ABCA8: variants seen among roughly 807,000 people sequenced by gnomAD.
ABCA8 encodes the protein ABC-type organic anion transporter ABCA8.
In ABCA8, 177 loss-of-function variants were observed where a neutral mutation model predicts 192.3. The ratio of observed to expected loss-of-function variants is 0.92; its 90% CI spans 0.81 to 1.04. The LOEUF is 1.04. ABCA8 is among the 50% of genes least tolerant of loss of function. ABCA8 has a pLI of 0.00. For missense variants in ABCA8, 1,915 were observed against 1,904.8 expected, an observed-to-expected ratio of 1.01 and a Z score of -0.10; for synonymous variants, 642 against 690.2, an observed-to-expected ratio of 0.93 and a Z score of 1.09.
intron 37 of ABCA8, among the ~76,000 whole-genome samples, chr17:68,873,517 A>G (rs2066119532): frequency 6.6e-6 from 1 of 151,972 alleles, no homozygotes. Flanking sequence ...CACTTTGTCA[A>G]TTGTTTCTTT....
chr17:68,882,066 C>G, intron 30 of ABCA8, 86 bp from the exon 31 acceptor site: 2 of 1,120,070 alleles, frequency 1.8e-6, no homozygotes, highest in Non-Finnish European at 2.7e-6. Context: ...TTGGCTGGAC[C>G]CTTTGTTGCC....
intron 12 of ABCA8, 37 bp downstream of exon 12, chr17:68,922,194 CTTTTTTTTTTT>C (rs201226205): frequency 1.2e-4 from 61 of 527,412 alleles, no homozygotes; most frequent in East Asian, 6.5e-4. Flanking sequence ...TTCTCTCTCT[CTTTTTTTTTTT>C]TTTTTTTTTT....
chr17:68,884,001 C>G (rs1029024349), intron 28 of ABCA8, 119 bp from the exon 29 acceptor site: 16 of 686,076 alleles, frequency 2.3e-5, no homozygotes, highest in Admixed American at 6.9e-5. Context: ...ATTACAAACT[C>G]CTAATAACCT....
intron 11 of ABCA8, 105 bp from the exon 12 acceptor site, chr17:68,922,405 T>C (rs2067569525): frequency 1.3e-5 from 10 of 788,732 alleles, no homozygotes; most frequent in Non-Finnish European, 1.9e-5. Flanking sequence ...TACATGAAGA[T>C]CTGGGTCTTC....
intron 18 of ABCA8, among the ~76,000 whole-genome samples, chr17:68,906,798 T>C (rs553094956): frequency 1.3e-5 from 2 of 152,272 alleles, no homozygotes; most frequent in East Asian, 3.9e-4. Context: ...ATTCATTCTT[T>C]AGTTCGTTCA....
chr17:68,897,053 TG>T (rs967332193), intron 21 of ABCA8, among the ~76,000 whole-genome samples: 17 of 152,356 alleles, frequency 1.1e-4, no homozygotes, highest in African/African-American at 3.6e-4. Flanking sequence ...AGGCATCTGC[TG>T]GGGATCTTGT....
Position 68,875,340 on chromosome 17 carries a change from CATCTCCAGCAGGTA to C in ABCA8, c.4537_4550del (p.Tyr1513GlufsTer35). 1 of 1,614,146 alleles carries C rather than the reference CATCTCCAGCAGGTA, an allele frequency of 6.2e-7. No individual in the cohort carries two copies. The highest frequency in any genetic ancestry group is 8.5e-7 in the Non-Finnish European group (1 of 1,180,040). The stretch of plus-strand genomic sequence containing the variant: ...CCACTTGTGCCAGGTTCTTCACCTT[CATCTCCAGCAGGTA>C]ATCTTTGCCAAATTTGCTTTTCAGG... On this transcript the variant is annotated frameshift_variant, in exon 37 of 40. Transcript: ENST00000586539. LOFTEE classifies it high-confidence loss of function.
At chr17:68,884,210 T>A in intron 28 of ABCA8, 121 bp downstream of exon 28, 1 of 965,450 alleles carries the variant, frequency 1.0e-6, no homozygotes, top group Non-Finnish European at 1.5e-6. Flanking sequence ...GCATTATATC[T>A]CCTTGGGCTA....
chr17:68,899,612 A>G (rs191430130), intron 21 of ABCA8, among the ~76,000 whole-genome samples: 1 of 152,272 alleles, frequency 6.6e-6, no homozygotes, highest in Non-Finnish European at 1.5e-5. Flanking sequence ...TAGCACTGAA[A>G]AGTGAAATAT....
Position 68,894,252 on chromosome 17 carries a change from A to G in ABCA8, c.2957T>C (p.Met986Thr), listed in dbSNP as rs541218848. The change falls in exon 23 of 40, where the codon ATG (methionine) becomes ACG (threonine). Residue 986 changes from methionine to threonine, a missense_variant. By Grantham distance (81) the Met-to-Thr change is moderately conservative. Coordinates refer to ENST00000586539, the MANE Select transcript of ABCA8 (RefSeq NM_001288985.2). ...AAGTAGCCCATTACTAACAATGTCC[A>G]TAAGAACTGGGAAGCAATTCAATCT... is the stretch of plus-strand genomic sequence containing the variant. ...AKRLNCFPVL[M>T]DIVSNGLLGM... 30 of 1,612,890 alleles carry G rather than the reference A, an allele frequency of 1.9e-5. No individual in the cohort carries two copies. The highest frequency in any genetic ancestry group is 2.5e-5 in the Non-Finnish European group (29 of 1,179,654).
In ABCA8 at chr17:68,893,345, A is replaced by C. The variant is rs16973413; in HGVS notation, c.3036+828T>G. Among the ~76,000 whole-genome samples the C allele has an allele frequency of 6.3e-3, 957 of 152,324 alleles. 39 individuals are homozygous for C. Among genetic ancestry groups the C allele is most frequent in the Admixed American group, 0.052 (792 of 15,296 alleles). Reference sequence around the variant, plus strand: ...GTTCTAAACTTAAAGGGCTATATACATTCCGATCACTTGGACCTTTGTTTA... The same window carrying C: ...GTTCTAAACTTAAAGGGCTATATACCTTCCGATCACTTGGACCTTTGTTTA... On this transcript the variant is annotated intron_variant, in intron 23 of 39. Coordinates refer to ENST00000586539, the MANE Select transcript of ABCA8 (RefSeq NM_001288985.2).
chr17:68,929,715 C>G lies in ABCA8; in HGVS notation c.798-13G>C, dbSNP rs1450724592. On this transcript the variant is annotated splice_polypyrimidine_tract_variant and intron_variant, in intron 7 of 39. Coordinates refer to ENST00000586539, the MANE Select transcript of ABCA8 (RefSeq NM_001288985.2). ...ACCCCAGGAGAGCCTAATGTGGAAACAAAATGTTATTTTAGTATTTTATGT... is the reference window on the plus strand; with the variant it reads ...ACCCCAGGAGAGCCTAATGTGGAAAGAAAATGTTATTTTAGTATTTTATGT... 6.3e-7 allele frequency: 1 copy of G among 1,585,202 alleles called. No individual in the cohort carries two copies. Among genetic ancestry groups the G allele is most frequent in the African/African-American group, 1.4e-5 (1 of 73,144 alleles).
chr17:68,954,393 A>G (rs1001374802), intron 1 of ABCA8, among the ~76,000 whole-genome samples: 1 of 152,062 alleles, frequency 6.6e-6, no homozygotes, highest in Non-Finnish European at 1.5e-5. Flanking sequence ...CCAATCCCTT[A>G]TATCTTCCAT....
At chr17:68,936,324 A>G (rs1287924768) in intron 5 of ABCA8, among the ~76,000 whole-genome samples, 1 of 152,070 alleles carries the variant, frequency 6.6e-6, no homozygotes, top group East Asian at 1.9e-4. Flanking sequence ...TCCTATGTTT[A>G]GGTTTTAATC....
chr17:68,927,987 G>C lies in ABCA8; in HGVS notation c.1202C>G (p.Thr401Arg). 1.2e-6 allele frequency: 2 copies of C among 1,608,822 alleles called. No individual in the cohort carries two copies. Among genetic ancestry groups the C allele is most frequent in the Non-Finnish European group, 1.7e-6 (2 of 1,178,198 alleles). Residue 401 changes from threonine to arginine, a missense_variant, in exon 10 of 40, where the codon ACA becomes AGA. By Grantham distance (71) the Thr-to-Arg change is moderately conservative. Transcript: ENST00000586539. The part of the protein sequence containing the change: ...PSDGSNLIVA[T>R]NFMLAFDTCL... The stretch of plus-strand genomic sequence containing the variant: ...AGTGTCAAATGCCAACATGAAATTT[G>C]TTGCTACAATGAGATTTGAGCCGTC...
Position 68,876,492 on chromosome 17 carries a change from G to A in ABCA8, c.4338C>T (p.Thr1446=), listed in dbSNP as rs199903038. 3.2e-5 allele frequency: 52 copies of A among 1,613,998 alleles called. No individual in the cohort carries two copies. Among genetic ancestry groups the A allele is most frequent in the East Asian group, 4.5e-5 (2 of 44,864 alleles). The change falls in exon 35 of 40, where the codon ACC becomes ACT. Residue 1446 remains threonine (T), a synonymous_variant. Transcript: ENST00000586539. ...PSVVLLDEPS[T]GMDPEGQQQM... ...GCTGCTGCCCCTCGGGGTCCATCCCGGTCGACGGCTCATCCAGAAGCACCA... is the reference window on the plus strand; with the variant it reads ...GCTGCTGCCCCTCGGGGTCCATCCCAGTCGACGGCTCATCCAGAAGCACCA...
intron 37 of ABCA8, among the ~76,000 whole-genome samples, chr17:68,871,084 A>G (rs1448604837): frequency 6.6e-6 from 1 of 152,152 alleles, no homozygotes; most frequent in Non-Finnish European, 1.5e-5. Context: ...TGGGCAATTT[A>G]TAATAAAAAT....
chr17:68,912,211 A>C (rs1235759157), intron 17 of ABCA8, among the ~76,000 whole-genome samples: 2 of 152,224 alleles, frequency 1.3e-5, no homozygotes, highest in African/African-American at 4.8e-5. Flanking sequence ...AAATAAATTT[A>C]AGATAACACA....
Position 68,896,965 on chromosome 17 carries a change from G to A in ABCA8, c.2765-1952C>T, listed in dbSNP as rs572132311. ...AGTGCTTAGTTAAGATGGAAAAGGC[G>A]ATAAATTTGTGGATAAAAAACATGA... On this transcript the variant is annotated intron_variant, in intron 21 of 39. Transcript: ENST00000586539. Among the ~76,000 whole-genome samples the A allele has an allele frequency of 4.6e-5, 7 of 152,190 alleles. No individual in the cohort carries two copies. The South Asian group carries it at 8.3e-4, about 18-fold the overall frequency.
Sources: allele counts gnomAD v4.1 joint callset (sites outside exome capture counted in the v4.1 genomes callset), GRCh38; gene constraint gnomAD v4.1.1; transcripts MANE v1.5; gene names NCBI Gene and HGNC (gene_info 2026-07-23, HGNC 2026-07-21).